Variants in CAMTA1 observed in about 807,000 individuals in gnomAD.
CAMTA1 encodes the protein calmodulin binding transcription activator 1, also known as calmodulin-binding transcription activator 1.
In CAMTA1, 27 loss-of-function variants were observed where a neutral mutation model predicts 170.9. That is an observed-to-expected ratio of 0.16 (90% CI 0.12 to 0.22). CAMTA1 has a LOEUF of 0.22. CAMTA1 is among the 10% of genes least tolerant of loss of function. The pLI is 1.00. For synonymous variants in CAMTA1, 833 were observed against 891.5 expected, an observed-to-expected ratio of 0.93 and a Z score of 1.17; for missense variants, 1,619 against 2,217.2, an observed-to-expected ratio of 0.73 and a Z score of 5.42.
At chr1:6,972,413 T>C (rs532500114) in intron 3 of CAMTA1, among the ~76,000 whole-genome samples, 168 of 152,368 alleles carry the variant, frequency 1.1e-3, no homozygotes, top group Non-Finnish European at 2.1e-3. Flanking sequence ...GAATTTTTAC[T>C]TCTTTTTTTT....
In CAMTA1 at chr1:7,560,165, C is replaced by T. The variant is rs538160597; in HGVS notation, c.511-80235C>T. On this transcript the variant is annotated intron_variant, in intron 6 of 22. Coordinates refer to ENST00000303635, the MANE Select transcript of CAMTA1 (RefSeq NM_015215.4). ...TTGTTCCTATCCTTGTCCCTGGTCC[C>T]GAAGGGGGAATGAGGGCAGCAGGGC... is the stretch of plus-strand genomic sequence containing the variant. 9.8e-5 allele frequency among the ~76,000 whole-genome samples: 15 copies of T among 152,322 alleles called. 1 individual carries two copies. The highest frequency in any genetic ancestry group is 3.1e-4 in the African/African-American group (13 of 41,568).
chr1:6,949,516 C>T (rs141910021), intron 3 of CAMTA1, among the ~76,000 whole-genome samples: 80 of 152,292 alleles, frequency 5.3e-4, no homozygotes, highest in African/African-American at 9.9e-4. Context: ...CACAGAACTC[C>T]GGCTGAGCGC....
chr1:6,858,174 C>T (rs764125024), intron 3 of CAMTA1, among the ~76,000 whole-genome samples: 1 of 152,144 alleles, frequency 6.6e-6, no homozygotes, highest in Non-Finnish European at 1.5e-5. Context: ...ATTCAAATTA[C>T]AGTTGTTTTT....
chr1:7,412,569 G>A (rs1312877759), intron 5 of CAMTA1, among the ~76,000 whole-genome samples: 1 of 152,088 alleles, frequency 6.6e-6, no homozygotes, highest in East Asian at 1.9e-4. Context: ...TTTGAGAAGT[G>A]TCTGTTCATA....
intron 5 of CAMTA1, among the ~76,000 whole-genome samples, chr1:7,308,089 G>A (rs1425047066): frequency 1.3e-5 from 2 of 151,574 alleles, no homozygotes; most frequent in African/African-American, 4.8e-5. Flanking sequence ...GTGCATTTTG[G>A]TAGTTTGTGG....
rs1672312970 is a variant in CAMTA1 at position 7,286,129 on chromosome 1, G to A, written c.438+36503G>A. On this transcript the variant is annotated intron_variant, in intron 5 of 22. Coordinates refer to ENST00000303635, the MANE Select transcript of CAMTA1 (RefSeq NM_015215.4). This position sits in a 1 kb window ranked among gnomAD's most constrained non-coding sequence, Gnocchi z 4.2. ...GGTCTCTGTTCTTGAGGTGTGCACA[G>A]CCTGCGTGCTGAGGGGATGAGTGAG... is the stretch of plus-strand genomic sequence containing the variant. Among the ~76,000 whole-genome samples the A allele has an allele frequency of 6.6e-6, 1 of 152,182 alleles. No homozygotes were observed. The highest frequency in any genetic ancestry group is 1.5e-5 in the Non-Finnish European group (1 of 68,022).
At position 7,092,688 on chromosome 1, in the gene CAMTA1, G is replaced by A. The variant is rs1350282284; in HGVS notation, c.302+1317G>A. ...GCTGTGATAATTCTGTGTAAGAAAC[G>A]ACCTGCAAGCTTAGTGACTTTAAAC... On this transcript the variant is annotated intron_variant, in intron 4 of 22. Coordinates refer to ENST00000303635, the MANE Select transcript of CAMTA1 (RefSeq NM_015215.4). The surrounding 1 kb of genome is among the most constrained non-coding windows in gnomAD (Gnocchi z 5.0). Among the ~76,000 whole-genome samples, 2 of 152,196 alleles carry A rather than the reference G, an allele frequency of 1.3e-5. No individual in the cohort carries two copies.
chr1:6,942,157 T>G (rs1686762557), intron 3 of CAMTA1, among the ~76,000 whole-genome samples: 1 of 152,116 alleles, frequency 6.6e-6, no homozygotes, highest in Admixed American at 6.5e-5. Context: ...TACACCCTGC[T>G]TCATAATTGG....
intron 7 of CAMTA1, among the ~76,000 whole-genome samples, chr1:7,643,592 A>T (rs1425469254): frequency 6.6e-6 from 1 of 152,220 alleles, no homozygotes; most frequent in East Asian, 1.9e-4. Flanking sequence ...AGGGGGTGGA[A>T]ACCAGTCCGG....
intron 6 of CAMTA1, among the ~76,000 whole-genome samples, chr1:7,628,727 G>A (rs944978568): frequency 6.6e-6 from 1 of 152,274 alleles, no homozygotes; most frequent in Non-Finnish European, 1.5e-5. Context: ...AGCTCTGGGA[G>A]CAGAAGTGGG....
intron 3 of CAMTA1, among the ~76,000 whole-genome samples, chr1:6,882,368 G>A (rs1489969336): frequency 6.6e-6 from 1 of 152,214 alleles, no homozygotes; most frequent in African/African-American, 2.4e-5. Context: ...TGGGATAGAA[G>A]TAGGGAGACC....
intron 3 of CAMTA1, among the ~76,000 whole-genome samples, chr1:7,089,006 G>A (rs1483932552): frequency 3.3e-5 from 5 of 152,234 alleles, no homozygotes; most frequent in Admixed American, 6.5e-5. Flanking sequence ...GCTGTCCGGG[G>A]TGGTGGAGGT....
At chr1:7,414,773 A>G (rs2091042401) in intron 5 of CAMTA1, among the ~76,000 whole-genome samples, 2 of 150,852 alleles carry the variant, frequency 1.3e-5, no homozygotes, top group Admixed American at 1.3e-4. Context: ...TTCTGCTCTG[A>G]TTTTAGTTAT....
In CAMTA1 at chr1:7,007,417, G is replaced by A. The variant is rs1699160421; in HGVS notation, c.235-83887G>A. The stretch of plus-strand genomic sequence containing the variant: ...CACCCCGAGGAAGTGACCCCTATGA[G>A]CCAGCCTTGTGGGGCAACAGAATGT... On this transcript the variant is annotated intron_variant, in intron 3 of 22. Coordinates refer to ENST00000303635, the MANE Select transcript of CAMTA1 (RefSeq NM_015215.4). This position sits in a 1 kb window ranked among gnomAD's most constrained non-coding sequence, Gnocchi z 4.5. Among the ~76,000 whole-genome samples the A allele has an allele frequency of 6.6e-6, 1 of 152,184 alleles. No homozygotes were observed. The highest frequency in any genetic ancestry group is 1.5e-5 in the Non-Finnish European group (1 of 68,026).
rs1369948863 is a variant in CAMTA1, at chr1:7,286,138, C to A, written c.438+36512C>A. Among the ~76,000 whole-genome samples the A allele has an allele frequency of 1.3e-5, 2 of 152,146 alleles. No individual in the cohort carries two copies. The highest frequency in any genetic ancestry group is 4.8e-5 in the African/African-American group (2 of 41,430). ...TCTTGAGGTGTGCACAGCCTGCGTGCTGAGGGGATGAGTGAGCCTGCTGGT... is the reference window on the plus strand; with the variant it reads ...TCTTGAGGTGTGCACAGCCTGCGTGATGAGGGGATGAGTGAGCCTGCTGGT... On this transcript the variant is annotated intron_variant, in intron 5 of 22. Coordinates refer to ENST00000303635, the MANE Select transcript of CAMTA1 (RefSeq NM_015215.4). This position sits in a 1 kb window ranked among gnomAD's most constrained non-coding sequence, Gnocchi z 4.2.
intron 4 of CAMTA1, among the ~76,000 whole-genome samples, chr1:7,128,147 G>A (rs1354045597): frequency 2.6e-5 from 4 of 152,198 alleles, no homozygotes; most frequent in African/African-American, 9.6e-5. Context: ...GTTGCTAGAG[G>A]AATCAAGTGC....
rs70984036 is a variant in CAMTA1 at position 6,904,733 on chromosome 1, A to ATTT, written c.234+79553_234+79555dup. 2.8e-3 allele frequency among the ~76,000 whole-genome samples: 201 copies of ATTT among 70,990 alleles called. 3 individuals carry two copies. The highest frequency in any genetic ancestry group is 5.0e-3 in the Admixed American group (19 of 3,816). The allele number at this position is 70,990 out of a possible 152,430, so 46.6% of individuals were successfully genotyped here. A position where few individuals can be genotyped will look rare whatever the true frequency, so the allele number is the denominator to read the frequency against. ...AGGCATGCGCCACCATGCCCAGCTA[A>ATTT]TTTTTTTTTTTTTTTTTTTTTTTTT... On this transcript the variant is annotated intron_variant, in intron 3 of 22. Transcript: ENST00000303635.
At chr1:6,862,607 G>A (rs2148910375) in intron 3 of CAMTA1, among the ~76,000 whole-genome samples, 1 of 152,230 alleles carries the variant, frequency 6.6e-6, no homozygotes, top group East Asian at 1.9e-4. Flanking sequence ...CTATTAAGTA[G>A]AAGGAACATT....
chr1:7,458,629 T>A (rs2093015726), intron 5 of CAMTA1, among the ~76,000 whole-genome samples: 1 of 152,214 alleles, frequency 6.6e-6, no homozygotes, highest in South Asian at 2.1e-4. Flanking sequence ...GGAGAGCCTC[T>A]AGTCCCACTT....
Sources: allele counts gnomAD v4.1 joint callset (sites outside exome capture counted in the v4.1 genomes callset), GRCh38; gene constraint gnomAD v4.1.1; non-coding constraint Gnocchi (gnomAD v3.1); transcripts MANE v1.5; gene names NCBI Gene and HGNC (gene_info 2026-07-23, HGNC 2026-07-21).